Variants in CACNA1E observed in about 807,000 individuals in gnomAD.
The protein encoded by CACNA1E is voltage-dependent R-type calcium channel subunit alpha-1E.
A neutral mutation model predicts 259.2 loss-of-function variants in CACNA1E; 40 were observed. The observed-to-expected ratio is 0.15, with a 90% confidence interval of 0.12 to 0.20. The LOEUF (loss-of-function observed/expected upper bound fraction) is 0.20, where lower values mean the gene tolerates loss of function less well. Ranked by LOEUF, CACNA1E falls within the 10% of genes least tolerant of loss-of-function variation. The probability of loss-of-function intolerance (pLI) is 1.00; values close to 1 mark genes in which losing one functional copy is unlikely to be tolerated. For missense variants in CACNA1E, 1,874 were observed against 3,040.1 expected (o/e 0.62, Z 9.02); for synonymous variants, 1,104 against 1,138.5 (o/e 0.97, Z 0.61).
rs1227455808 is a variant in CACNA1E, at chr1:181,391,939, C to CTGTGTGTGTG, written c.-14-21193_-14-21192insGTGTGTGTGT. Among the ~76,000 whole-genome samples the CTGTGTGTGTG allele has an allele frequency of 7.0e-3, 773 of 110,890 alleles. 1 individual carries two copies. Among genetic ancestry groups the CTGTGTGTGTG allele is most frequent in the Non-Finnish European group, 0.01 (552 of 53,922 alleles). 72.7% of individuals were successfully genotyped at this position (110,890 alleles called of 152,430 possible). A position where few individuals can be genotyped will look rare whatever the true frequency, so the allele number is the denominator to read the frequency against. On this transcript the variant is annotated intron_variant, in intron 1 of 11. Coordinates refer to the CACNA1E transcript ENST00000524607. ...TCTCTCTCTCTGTCTCTCTCTCTCT[C>CTGTGTGTGTG]TCTCTCTGTGTGTGTGTGTGTGTGT...
At chr1:181,795,136 AG>A (rs747027538) in intron 46 of CACNA1E, 92 bp downstream of exon 46, 18 of 1,056,152 alleles carry the variant, frequency 1.7e-5, no homozygotes, top group Non-Finnish European at 2.5e-5. Flanking sequence ...TAACCAGAAA[AG>A]AATTCAGAGA....
chr1:181,344,666 A>G (rs1652450062), intron 1 of CACNA1E, among the ~76,000 whole-genome samples: 1 of 152,146 alleles, frequency 6.6e-6, no homozygotes, highest in African/African-American at 2.4e-5. Flanking sequence ...CTGTGGCATC[A>G]TCCCTGCCTA....
At chr1:181,398,236 G>A (rs185682410) in intron 1 of CACNA1E, among the ~76,000 whole-genome samples, 33 of 152,286 alleles carry the variant, frequency 2.2e-4, no homozygotes, top group Non-Finnish European at 4.0e-4. Flanking sequence ...GAGTCTTGAC[G>A]TGCAAGGACC....
At chr1:181,595,083 G>A (rs1010931057) in intron 6 of CACNA1E, among the ~76,000 whole-genome samples, 3 of 152,174 alleles carry the variant, frequency 2.0e-5, no homozygotes, top group Non-Finnish European at 4.4e-5. Flanking sequence ...TCTTTCCTTT[G>A]TGCTCAAAGC....
At chr1:181,418,076 T>C (rs766093851) in intron 2 of CACNA1E, among the ~76,000 whole-genome samples, 1 of 152,190 alleles carries the variant, frequency 6.6e-6, no homozygotes, top group Non-Finnish European at 1.5e-5. Flanking sequence ...CAGAATCCAA[T>C]GGGTGTTCCT....
intron 1 of CACNA1E, among the ~76,000 whole-genome samples, chr1:181,368,402 A>G (rs1013417908): frequency 4.6e-5 from 7 of 152,236 alleles, no homozygotes; most frequent in Non-Finnish European, 1.0e-4. Context: ...CTTATTGTTG[A>G]AAAGATTTCT....
intron 3 of CACNA1E, among the ~76,000 whole-genome samples, chr1:181,576,505 T>A (rs1015101806): frequency 3.3e-5 from 5 of 152,252 alleles, no homozygotes; most frequent in Non-Finnish European, 5.9e-5. Flanking sequence ...ACAGTTCTTT[T>A]TCTGAGATTG....
At chr1:181,360,345 C>T (rs1033085530) in intron 1 of CACNA1E, among the ~76,000 whole-genome samples, 12 of 152,170 alleles carry the variant, frequency 7.9e-5, no homozygotes, top group African/African-American at 2.9e-4. Flanking sequence ...ATGAAAACAA[C>T]ACAATGCCCA....
In CACNA1E at chr1:181,799,992, G is replaced by C. The variant is rs1662157850; in HGVS notation, c.*1158G>C. ...AGCCTTCCCTGCCACTCCTCTGAGA[G>C]GGCAGAACACACATATCCAAGTAGG... is the stretch of plus-strand genomic sequence containing the variant. On this transcript the variant is annotated 3_prime_UTR_variant, in exon 48 of 48. Transcript: ENST00000367573. 1 of 152,472 alleles carries C rather than the reference G, an allele frequency of 6.6e-6. No individual in the cohort carries two copies. Among genetic ancestry groups the C allele is most frequent in the Non-Finnish European group, 1.5e-5 (1 of 68,134 alleles). The allele number at this position is 152,472 out of a possible 1,614,324, so 9.4% of individuals were successfully genotyped here.
intron 7 of CACNA1E, among the ~76,000 whole-genome samples, chr1:181,677,064 C>T (rs74512649): frequency 1.4e-3 from 210 of 152,134 alleles, no homozygotes; most frequent in African/African-American, 4.7e-3. Context: ...CCTCCAGGAA[C>T]GTATCTTCTC....
intron 1 of CACNA1E, among the ~76,000 whole-genome samples, chr1:181,345,712 A>C (rs931212257): frequency 6.6e-6 from 1 of 152,218 alleles, no homozygotes; most frequent in Non-Finnish European, 1.5e-5. Context: ...CTCATTTTAC[A>C]GATGCACAAA....
rs972768927 is a variant in CACNA1E at position 181,776,839 on chromosome 1, A to G, written c.5267+611A>G. Among the ~76,000 whole-genome samples the G allele has an allele frequency of 6.6e-6, 1 of 152,204 alleles. No homozygotes were observed. The highest frequency in any genetic ancestry group is 1.5e-5 in the Non-Finnish European group (1 of 68,034). On this transcript the variant is annotated intron_variant, in intron 38 of 47. Transcript: ENST00000367573. This position sits in a 1 kb window ranked among gnomAD's most constrained non-coding sequence, Gnocchi z 4.4. The stretch of plus-strand genomic sequence containing the variant: ...GTTCTGAAGTGATAGCGTGCCTTCT[A>G]GGCTCTAGAGCAGGGATTGGCAAAC...
At chr1:181,515,339 A>T (rs979043035) in intron 3 of CACNA1E, among the ~76,000 whole-genome samples, 3 of 152,206 alleles carry the variant, frequency 2.0e-5, no homozygotes, top group Non-Finnish European at 2.9e-5. Flanking sequence ...AACTGTCAGC[A>T]TAGCATGGTT....
chr1:181,482,688 G>T (rs1663384006), upstream of CACNA1E, among the ~76,000 whole-genome samples: 1 of 152,252 alleles, frequency 6.6e-6, no homozygotes, highest in East Asian at 1.9e-4. Flanking sequence ...CCAGTGCTCC[G>T]CCGAGGGCGC....
intron 25 of CACNA1E, among the ~76,000 whole-genome samples, chr1:181,740,558 G>A (rs1198022856): frequency 6.6e-6 from 1 of 152,154 alleles, no homozygotes; most frequent in African/African-American, 2.4e-5. Flanking sequence ...TTAAGGAGAG[G>A]TACAAGATAC....
At chr1:181,722,658 G>A (rs775782075) in intron 16 of CACNA1E, among the ~76,000 whole-genome samples, 1 of 152,146 alleles carries the variant, frequency 6.6e-6, no homozygotes, top group Non-Finnish European at 1.5e-5. Flanking sequence ...TAATTTATTT[G>A]CATGTGATTT....
chr1:181,795,767 A>AATATATATAT lies in CACNA1E; in HGVS notation c.6208+734_6208+743dup, dbSNP rs72040839. Among the ~76,000 whole-genome samples the AATATATATAT allele has an allele frequency of 2.5e-3, 285 of 113,304 alleles. 13 individuals are homozygous for AATATATATAT. Among genetic ancestry groups the AATATATATAT allele is most frequent in the African/African-American group, 5.4e-3 (178 of 32,976 alleles). The allele number at this position is 113,304 out of a possible 152,430, so 74.3% of individuals were successfully genotyped here. On this transcript the variant is annotated intron_variant, in intron 46 of 47. Transcript: ENST00000367573. ...AATTTCTTTTAAGCTTTTTGCTTTAAATATATATATATATATATATTAGTC... is the reference window on the plus strand; with the variant it reads ...AATTTCTTTTAAGCTTTTTGCTTTAAATATATATATATATATATATATATATATATTAGTC...
chr1:181,785,826 A>T lies in CACNA1E; in HGVS notation c.5786+7A>T, dbSNP rs1166550218. ...AGGACCCCGTTTCAGGCCTGTGAGTAGCACCAAAACATCCCTGGCATGGCT... is the reference window on the plus strand; with the variant it reads ...AGGACCCCGTTTCAGGCCTGTGAGTTGCACCAAAACATCCCTGGCATGGCT... On this transcript the variant is annotated splice_region_variant and intron_variant, in intron 43 of 47. Coordinates refer to ENST00000367573, the MANE Select transcript of CACNA1E (RefSeq NM_001205293.3). The T allele has an allele frequency of 6.3e-7, 1 of 1,575,284 alleles. No individual in the cohort carries two copies. Among genetic ancestry groups the T allele is most frequent in the African/African-American group, 1.4e-5 (1 of 73,336 alleles).
intron 1 of CACNA1E, among the ~76,000 whole-genome samples, chr1:181,318,283 T>C (rs934819261): frequency 6.6e-6 from 1 of 152,058 alleles, no homozygotes; most frequent in Non-Finnish European, 1.5e-5. Flanking sequence ...TAGTTGGCCC[T>C]AACCTTCTCG....
Sources: gnomAD v4.1 joint callset for allele counts (sites outside exome capture counted in the v4.1 genomes callset) on GRCh38, gnomAD v4.1.1 for gene constraint, Gnocchi (gnomAD v3.1) non-coding constraint, MANE v1.5 for transcripts, NCBI Gene and HGNC (gene_info 2026-07-23, HGNC 2026-07-21) for gene names.